The following ZMIZ1 variants were observed in gnomAD, a reference collection of about 807,000 sequenced individuals.
ZMIZ1 encodes zinc finger MIZ-type containing 1.
A neutral mutation model predicts 113.9 loss-of-function variants in ZMIZ1; 17 were observed. The ratio of observed to expected loss-of-function variants is 0.15; its 90% CI spans 0.10 to 0.22. The LOEUF is 0.22. Among genes scored for constraint, ZMIZ1 ranks in the 10% least tolerant of loss-of-function variants. ZMIZ1 has a pLI of 1.00. For synonymous variants in ZMIZ1, 607 were observed against 603.1 expected (o/e 1.01, Z -0.09); for missense variants, 1,059 against 1,477.8 (o/e 0.72, Z 4.65).
chr10:79,115,500 A>G (rs1441930652), intron 1 of ZMIZ1, among the ~76,000 whole-genome samples: 1 of 152,182 alleles, frequency 6.6e-6, no homozygotes, highest in South Asian at 2.1e-4. Flanking sequence ...GGTAAGCATC[A>G]TCGCTGGTAC....
intron 1 of ZMIZ1, among the ~76,000 whole-genome samples, chr10:79,101,135 C>G (rs1178344438): frequency 6.6e-6 from 1 of 152,106 alleles, no homozygotes; most frequent in African/African-American, 2.4e-5. Context: ...AAGCTCTCCC[C>G]TTGATGAGTA....
intron 2 of ZMIZ1, among the ~76,000 whole-genome samples, chr10:79,122,803 G>A (rs953470712): frequency 6.6e-6 from 1 of 152,154 alleles, no homozygotes; most frequent in Non-Finnish European, 1.5e-5. Context: ...ACCCACATCG[G>A]GTAGGGGTGT....
At chr10:79,215,221 C>T (rs1848674244) in intron 6 of ZMIZ1, among the ~76,000 whole-genome samples, 1 of 152,048 alleles carries the variant, frequency 6.6e-6, no homozygotes, top group Admixed American at 6.5e-5. Flanking sequence ...CATTACAATG[C>T]CTGCCCCATC....
chr10:79,226,676 G>T (rs1233042501), intron 7 of ZMIZ1, among the ~76,000 whole-genome samples: 1 of 152,202 alleles, frequency 6.6e-6, no homozygotes, highest in Non-Finnish European at 1.5e-5. Flanking sequence ...GCAGGGCCTC[G>T]GTAGAAGGTG....
intron 2 of ZMIZ1, among the ~76,000 whole-genome samples, chr10:79,139,266 C>T (rs1281333434): frequency 6.6e-6 from 1 of 152,110 alleles, no homozygotes; most frequent in African/African-American, 2.4e-5. Flanking sequence ...AGATAATTCC[C>T]CGAAGCCAGG....
intron 1 of ZMIZ1, among the ~76,000 whole-genome samples, chr10:79,090,072 C>G (rs1429774067): frequency 6.6e-6 from 1 of 152,250 alleles, no homozygotes; most frequent in African/African-American, 2.4e-5. Context: ...CTTTCCCTCA[C>G]CTCCCTTCTG....
chr10:79,217,504 C>A (rs541167087), intron 7 of ZMIZ1, among the ~76,000 whole-genome samples: 8 of 152,166 alleles, frequency 5.3e-5, no homozygotes, highest in Admixed American at 5.2e-4. Flanking sequence ...GGAGTCAGGA[C>A]AAGCAGTTGA....
At chr10:79,239,438 G>A (rs1849720753) in intron 7 of ZMIZ1, among the ~76,000 whole-genome samples, 2 of 152,208 alleles carry the variant, frequency 1.3e-5, no homozygotes, top group African/African-American at 4.8e-5. Flanking sequence ...ACACGTGGCT[G>A]GGGCCTCCTT....
chr10:79,126,071 C>A lies in ZMIZ1; in HGVS notation c.-227+7047C>A, dbSNP rs143806505. Reference sequence around the variant, plus strand: ...GAGAGCTGCACGGGAACCCGCAGACCTGGCTCCGTGGAGCCGCATTTGTGT... The same window carrying A: ...GAGAGCTGCACGGGAACCCGCAGACATGGCTCCGTGGAGCCGCATTTGTGT... On this transcript the variant is annotated intron_variant, in intron 2 of 24. Coordinates refer to ENST00000334512, the MANE Select transcript of ZMIZ1 (RefSeq NM_020338.4). 1.8e-3 allele frequency among the ~76,000 whole-genome samples: 275 copies of A among 152,318 alleles called. 2 individuals carry two copies. The highest frequency in any genetic ancestry group is 6.3e-3 in the African/African-American group (262 of 41,560).
intron 17 of ZMIZ1, 86 bp downstream of exon 17, chr10:79,301,028 GTCC>G (rs1355413805): frequency 6.5e-7 from 1 of 1,540,036 alleles, no homozygotes; most frequent in African/African-American, 1.4e-5. Flanking sequence ...CCCCACTCTG[GTCC>G]TCAGCCTTGT....
intron 6 of ZMIZ1, among the ~76,000 whole-genome samples, chr10:79,215,738 G>C (rs1469667487): frequency 6.6e-6 from 1 of 152,118 alleles, no homozygotes; most frequent in African/African-American, 2.4e-5. Flanking sequence ...AGTAGTGGGT[G>C]CAGGAGCTCA....
chr10:79,277,455 T>C, intron 8 of ZMIZ1, 130 bp downstream of exon 8: 1 of 1,238,410 alleles, frequency 8.1e-7, no homozygotes, highest in Non-Finnish European at 1.1e-6. Context: ...AAGGTGCAGT[T>C]GTTTTTTTAC....
intron 7 of ZMIZ1, among the ~76,000 whole-genome samples, chr10:79,273,893 G>A (rs919364784): frequency 6.6e-6 from 1 of 152,286 alleles, no homozygotes; most frequent in Non-Finnish European, 1.5e-5. Flanking sequence ...GGAGCACCAG[G>A]CAGGAGGCCA....
chr10:79,288,641 A>AG (rs372679040), intron 8 of ZMIZ1, among the ~76,000 whole-genome samples: 8 of 152,044 alleles, frequency 5.3e-5, no homozygotes, highest in African/African-American at 7.2e-5. Context: ...TGACTTGGTG[A>AG]GGGGGTGGTG....
intron 3 of ZMIZ1, among the ~76,000 whole-genome samples, chr10:79,161,742 G>A (rs1408517928): frequency 6.6e-6 from 1 of 152,252 alleles, no homozygotes; most frequent in Non-Finnish European, 1.5e-5. Context: ...GAATGAATGA[G>A]TGAATGCGAA....
chr10:79,234,875 G>A (rs1317685014), intron 7 of ZMIZ1, among the ~76,000 whole-genome samples: 1 of 152,176 alleles, frequency 6.6e-6, no homozygotes, highest in Non-Finnish European at 1.5e-5. Flanking sequence ...AGAGAGGTAT[G>A]GCATCTACAC....
chr10:79,234,035 C>A (rs1453563952), intron 7 of ZMIZ1, among the ~76,000 whole-genome samples: 3 of 152,192 alleles, frequency 2.0e-5, no homozygotes, highest in Non-Finnish European at 4.4e-5. Flanking sequence ...CATGACACTT[C>A]TAGGGACCAC....
chr10:79,311,277 C>CCTT, intron 24 of ZMIZ1, 93 bp downstream of exon 24: 1 of 776,970 alleles, frequency 1.3e-6, no homozygotes, highest in African/African-American at 2.0e-5. Flanking sequence ...CTCGAGGCCC[C>CCTT]GAAGGGAGGA....
chr10:79,171,942 A>G lies in ZMIZ1; in HGVS notation c.-50+9809A>G, dbSNP rs372944148. On this transcript the variant is annotated intron_variant, in intron 4 of 24. Coordinates refer to ENST00000334512, the MANE Select transcript of ZMIZ1 (RefSeq NM_020338.4). ...GTACATCGTAGGCCATATCCCTATG[A>G]AGTGAATGACCAGCACAGAGCACTG... Among the ~76,000 whole-genome samples the G allele has an allele frequency of 3.3e-5, 5 of 152,300 alleles. 1 individual carries two copies.
Sources: allele counts gnomAD v4.1 joint callset (sites outside exome capture counted in the v4.1 genomes callset), GRCh38; gene constraint gnomAD v4.1.1; transcripts MANE v1.5; gene names NCBI Gene and HGNC (gene_info 2026-07-23, HGNC 2026-07-21).